CCR3: variants seen among roughly 807,000 people sequenced by gnomAD.
The protein encoded by CCR3 is C-C chemokine receptor type 3.
For synonymous variants in CCR3, 203 were observed against 179.2 expected (o/e 1.13, Z -1.06); for missense variants, 419 against 437.5 (o/e 0.96, Z 0.38).
intron 2 of CCR3, among the ~76,000 whole-genome samples, chr3:46,222,588 T>C (rs1030756556): frequency 2.6e-5 from 4 of 152,086 alleles, no homozygotes; most frequent in Non-Finnish European, 5.9e-5. Flanking sequence ...ACATCATGCA[T>C]GGCCAGGCAT....
rs1376378861 is a variant in CCR3, at chr3:46,214,171, A to G, written c.-68+3264A>G. 3.9e-5 allele frequency among the ~76,000 whole-genome samples: 6 copies of G among 152,076 alleles called. No homozygotes were observed. The East Asian group carries it at 1.2e-3, about 29-fold the overall frequency. ...TTTGCCTTTTCCTTAAACCTCCAAC[A>G]CCACCTGTTATCCTCATTCTTAGCT... On this transcript the variant is annotated intron_variant, in intron 2 of 3. Coordinates refer to the CCR3 transcript ENST00000357422.
chr3:46,244,678 T>C (rs1559531722), intron 1 of CCR3, among the ~76,000 whole-genome samples: 1 of 152,222 alleles, frequency 6.6e-6, no homozygotes, highest in African/African-American at 2.4e-5. Flanking sequence ...TTTTCACTTC[T>C]TTTGTGGTGG....
intron 2 of CCR3, among the ~76,000 whole-genome samples, chr3:46,220,557 C>G (rs1475828841): frequency 6.6e-6 from 1 of 152,180 alleles, no homozygotes; most frequent in Non-Finnish European, 1.5e-5. Context: ...GCACATGCAT[C>G]TTTACAGCAG....
intron 1 of CCR3, among the ~76,000 whole-genome samples, chr3:46,261,681 G>A (rs1367810732): frequency 2.6e-5 from 4 of 152,214 alleles, no homozygotes; most frequent in African/African-American, 9.6e-5. Context: ...TACCAGATGG[G>A]ATGGCCAGTG....
intron 2 of CCR3, among the ~76,000 whole-genome samples, chr3:46,230,309 C>A (rs1313647483): frequency 6.6e-6 from 1 of 152,078 alleles, no homozygotes; most frequent in Non-Finnish European, 1.5e-5. Flanking sequence ...GCAGAGGTGT[C>A]CTGACATAAA....
chr3:46,260,200 G>C (rs1485049117), intron 1 of CCR3, among the ~76,000 whole-genome samples: 1 of 152,166 alleles, frequency 6.6e-6, no homozygotes, highest in Non-Finnish European at 1.5e-5. Context: ...GGGATTGTGG[G>C]TGTTACAATT....
chr3:46,213,207 G>C (rs1261168130), intron 2 of CCR3, among the ~76,000 whole-genome samples: 1 of 152,108 alleles, frequency 6.6e-6, no homozygotes, highest in Admixed American at 6.6e-5. Context: ...GTGATTCTGT[G>C]AGTTAGATGA....
rs1272088439 is a variant in CCR3, at chr3:46,219,051, C to G, written c.-68+8144C>G. The stretch of plus-strand genomic sequence containing the variant: ...AGAAGTCAAACTGTCGCTGTTTGCC[C>G]ATGATATGATCACATACCTAGAAAA... On this transcript the variant is annotated intron_variant, in intron 2 of 3. Transcript: ENST00000357422. 2.0e-5 allele frequency among the ~76,000 whole-genome samples: 3 copies of G among 152,016 alleles called. No individual in the cohort carries two copies. In the East Asian group the frequency reaches 5.8e-4, roughly 29 times the overall value.
At chr3:46,240,810 A>G (rs1228200330), upstream of CCR3, among the ~76,000 whole-genome samples, 4 of 152,208 alleles carry the variant, frequency 2.6e-5, no homozygotes, top group African/African-American at 7.2e-5. Context: ...GCTGAGGCAC[A>G]CAGAGGTTAT....
chr3:46,236,878 C>T (rs148518973), intron 2 of CCR3, among the ~76,000 whole-genome samples: 68 of 152,298 alleles, frequency 4.5e-4, no homozygotes, highest in African/African-American at 1.6e-3. Context: ...GCCAGGGATC[C>T]TGGAAAGTTG....
rs1553644057 is a variant in CCR3 at position 46,242,963 on chromosome 3, G to GTATATATATATATACACATATATATA, written c.-12+439_-12+440insCACATATATATATATATATATATATA. The stretch of plus-strand genomic sequence containing the variant: ...AAAATATAATTTTACATATATATGT[G>GTATATATATATATACACATATATATA]TATATATATATATATACACATATAT... On this transcript the variant is annotated intron_variant, in intron 1 of 1. Coordinates refer to ENST00000395940, the MANE Select transcript of CCR3 (RefSeq NM_178329.3). Among the ~76,000 whole-genome samples, 251 of 86,264 alleles carry GTATATATATATATACACATATATATA rather than the reference G, an allele frequency of 2.9e-3. 1 individual carries two copies. Among genetic ancestry groups the GTATATATATATATACACATATATATA allele is most frequent in the African/African-American group, 0.011 (234 of 21,076 alleles). The allele number at this position is 86,264 out of a possible 152,430, so 56.6% of individuals were successfully genotyped here.
At chr3:46,226,089 T>C (rs1699891922) in intron 2 of CCR3, among the ~76,000 whole-genome samples, 1 of 152,248 alleles carries the variant, frequency 6.6e-6, no homozygotes, top group Non-Finnish European at 1.5e-5. Flanking sequence ...AGCTATATAA[T>C]ACGTCATGAA....
intron 1 of CCR3, among the ~76,000 whole-genome samples, chr3:46,252,813 C>T (rs929076654): frequency 6.6e-6 from 1 of 152,102 alleles, no homozygotes; most frequent in Admixed American, 6.5e-5. Context: ...ATGGTGATAG[C>T]TTCTAAAGAA....
At position 46,265,506 on chromosome 3, in the gene CCR3, C is replaced by T; in HGVS notation, c.348C>T (p.Gly116=). The change falls in exon 2 of 2, where the codon GGC becomes GGT. Residue 116 remains glycine, a synonymous_variant. Coordinates refer to ENST00000395940, the MANE Select transcript of CCR3 (RefSeq NM_178329.3). ...TCCTCTCAGGGTTTTATCACACAGG[C>T]TTGTACAGCGAGATCTTTTTCATAA... The part of the protein sequence containing the change: ...CKLLSGFYHT[G]LYSEIFFIIL... 1.2e-6 allele frequency: 2 copies of T among 1,614,166 alleles called. No homozygotes were observed. Among genetic ancestry groups the T allele is most frequent in the South Asian group, 2.2e-5 (2 of 91,084 alleles).
At position 46,266,422 on chromosome 3, in the gene CCR3, G is replaced by C. The variant is rs1700636289; in HGVS notation, c.*196G>C. 7.8e-6 allele frequency: 4 copies of C among 514,498 alleles called. No homozygotes were observed. Among genetic ancestry groups the C allele is most frequent in the Admixed American group, 7.4e-5 (2 of 27,170 alleles). The allele number at this position is 514,498 out of a possible 1,614,324, so 31.9% of individuals were successfully genotyped here. A position where few individuals can be genotyped will look rare whatever the true frequency, so the allele number is the denominator to read the frequency against. On this transcript the variant is annotated 3_prime_UTR_variant, in exon 2 of 2. Transcript: ENST00000395940. Reference sequence around the variant, plus strand: ...GGTCATTACCACAGGCCAGGGGCTGGGCAGCGTACTCATCATCAACCCTAA... The same window carrying C: ...GGTCATTACCACAGGCCAGGGGCTGCGCAGCGTACTCATCATCAACCCTAA...
chr3:46,252,356 T>A (rs1201514451), intron 1 of CCR3, among the ~76,000 whole-genome samples: 2 of 149,326 alleles, frequency 1.3e-5, no homozygotes, highest in Non-Finnish European at 3.0e-5. Context: ...TTTTTTTTTT[T>A]AAAGTAGAGA....
At chr3:46,250,847 T>C (rs4683190) in intron 1 of CCR3, among the ~76,000 whole-genome samples, 90,350 of 149,832 alleles carry the variant, frequency 0.6, 27,681 homozygotes, top group East Asian at 0.91. Flanking sequence ...GAAGGGGGGT[T>C]GGGGCATGGA....
intron 1 of CCR3, among the ~76,000 whole-genome samples, chr3:46,244,587 G>A (rs1413630695): frequency 6.6e-6 from 1 of 152,186 alleles, no homozygotes; most frequent in East Asian, 1.9e-4. Context: ...GGTGCTCAGT[G>A]GGGGAGCTTT....
intron 2 of CCR3, among the ~76,000 whole-genome samples, chr3:46,215,012 T>C (rs1444009350): frequency 6.6e-6 from 1 of 152,096 alleles, no homozygotes; most frequent in Non-Finnish European, 1.5e-5. Flanking sequence ...AACTAGAACC[T>C]GGTAGGTCTG....
Sources: gnomAD v4.1 joint callset for allele counts (sites outside exome capture counted in the v4.1 genomes callset) on GRCh38, gnomAD v4.1.1 for gene constraint, MANE v1.5 for transcripts, NCBI Gene and HGNC (gene_info 2026-07-23, HGNC 2026-07-21) for gene names.